VWC2L: variants seen among roughly 807,000 people sequenced by gnomAD.
VWC2L encodes von Willebrand factor C domain-containing protein 2-like.
A neutral mutation model predicts 21.6 loss-of-function variants in VWC2L; 10 were observed. That is an observed-to-expected ratio of 0.46 (90% CI 0.29 to 0.78). VWC2L has a LOEUF of 0.78. Among genes scored for constraint, VWC2L ranks in the 30% least tolerant of loss-of-function variants. The pLI is 0.10. For missense variants in VWC2L, 209 were observed against 277.1 expected, an observed-to-expected ratio of 0.75 and a Z score of 1.74; for synonymous variants, 96 against 94.3, an observed-to-expected ratio of 1.02 and a Z score of -0.10.
intron 3 of VWC2L, among the ~76,000 whole-genome samples, chr2:214,550,501 T>C (rs772377626): frequency 3.9e-5 from 6 of 152,200 alleles, no homozygotes; most frequent in Middle Eastern, 3.2e-3. Flanking sequence ...ACCTGCCACA[T>C]ATCATCTCTT....
Position 214,568,379 on chromosome 2 carries a change from T to C in VWC2L, c.521-7293T>C, listed in dbSNP as rs574771472. 3.3e-5 allele frequency among the ~76,000 whole-genome samples: 5 copies of C among 152,320 alleles called. No individual in the cohort carries two copies. The South Asian group carries it at 1.0e-3, about 32-fold the overall frequency. On this transcript the variant is annotated intron_variant, in intron 3 of 3. Coordinates refer to ENST00000312504, the MANE Select transcript of VWC2L (RefSeq NM_001080500.4). ...TTCATTGCCACATCACTACTGCTTC[T>C]AGAAGTCTTGTTTGGAATGAGTATT...
At chr2:214,538,617 A>G (rs1303930486) in intron 3 of VWC2L, among the ~76,000 whole-genome samples, 3 of 149,792 alleles carry the variant, frequency 2.0e-5, no homozygotes, top group Non-Finnish European at 3.0e-5. Flanking sequence ...ATTAGTATAC[A>G]TGTTTAGTAT....
intron 3 of VWC2L, among the ~76,000 whole-genome samples, chr2:214,472,906 C>T (rs1319521477): frequency 2.0e-5 from 3 of 152,202 alleles, no homozygotes; most frequent in Non-Finnish European, 4.4e-5. Context: ...TAGGCATCTA[C>T]TTGGGTTCTC....
chr2:214,441,671 G>A (rs1274631332), intron 3 of VWC2L, among the ~76,000 whole-genome samples: 1 of 151,918 alleles, frequency 6.6e-6, no homozygotes, highest in Admixed American at 6.6e-5. Context: ...TTTTGAGAGT[G>A]AAAAGTTGGG....
chr2:214,575,850 A>G lies in VWC2L; in HGVS notation c.*30A>G. On this transcript the variant is annotated 3_prime_UTR_variant, in exon 4 of 4. Coordinates refer to ENST00000312504, the MANE Select transcript of VWC2L (RefSeq NM_001080500.4). Reference sequence around the variant, plus strand: ...AACTTCCACCCAATGATGAGTTCTTAGGAAAGGATGCTATGGCTTCAACAC... The same window carrying G: ...AACTTCCACCCAATGATGAGTTCTTGGGAAAGGATGCTATGGCTTCAACAC... 2 of 1,598,486 alleles carry G rather than the reference A, an allele frequency of 1.3e-6. No homozygotes were observed. The highest frequency in any genetic ancestry group is 1.7e-6 in the Non-Finnish European group (2 of 1,168,420).
rs142284364 is a variant in VWC2L at position 214,440,284 on chromosome 2, T to G, written c.520+3526T>G. Among the ~76,000 whole-genome samples, 1,203 of 152,130 alleles carry G rather than the reference T, an allele frequency of 7.9e-3. 6 individuals carry two copies. The highest frequency in any genetic ancestry group is 0.013 in the South Asian group (64 of 4,830). On this transcript the variant is annotated intron_variant, in intron 3 of 3. Transcript: ENST00000312504. ...TTTATTTGGTGAGAATTGGGGGGATTGACATAGGAATTTATTGTTTCTAAA... is the reference window on the plus strand; with the variant it reads ...TTTATTTGGTGAGAATTGGGGGGATGGACATAGGAATTTATTGTTTCTAAA...
rs1703017344 is a variant in VWC2L, at chr2:214,454,082, A to G, written c.520+17324A>G. On this transcript the variant is annotated intron_variant, in intron 3 of 3. Coordinates refer to ENST00000312504, the MANE Select transcript of VWC2L (RefSeq NM_001080500.4). ...GATTTTCTGACTATTTGATACTAGTATATAGAAATAGAATTGATATTTATA... is the reference window on the plus strand; with the variant it reads ...GATTTTCTGACTATTTGATACTAGTGTATAGAAATAGAATTGATATTTATA... 3.3e-5 allele frequency among the ~76,000 whole-genome samples: 5 copies of G among 152,210 alleles called. No homozygotes were observed. The South Asian group carries it at 1.0e-3, about 32-fold the overall frequency.
intron 3 of VWC2L, among the ~76,000 whole-genome samples, chr2:214,475,414 C>G (rs1409291475): frequency 6.6e-6 from 1 of 151,882 alleles, no homozygotes; most frequent in Non-Finnish European, 1.5e-5. Flanking sequence ...GAAATGTGCT[C>G]TTGTCATTTA....
intron 3 of VWC2L, among the ~76,000 whole-genome samples, chr2:214,459,082 A>G (rs1305927630): frequency 6.6e-6 from 1 of 152,124 alleles, no homozygotes; most frequent in Non-Finnish European, 1.5e-5. Flanking sequence ...TACTTTATAT[A>G]TCTGGATACT....
At chr2:214,555,371 G>T (rs999939989) in intron 3 of VWC2L, among the ~76,000 whole-genome samples, 7 of 152,130 alleles carry the variant, frequency 4.6e-5, no homozygotes, top group African/African-American at 1.7e-4. Context: ...TTGAGACTGT[G>T]CCTTCGGCCT....
intron 3 of VWC2L, among the ~76,000 whole-genome samples, chr2:214,524,613 G>A (rs1689298349): frequency 6.6e-6 from 1 of 152,134 alleles, no homozygotes; most frequent in Non-Finnish European, 1.5e-5. Context: ...GCTGTTTTAG[G>A]TGCTGAGGAT....
intron 3 of VWC2L, among the ~76,000 whole-genome samples, chr2:214,467,140 T>C (rs13418577): frequency 0.16 from 24,179 of 152,224 alleles, 2,015 homozygotes; most frequent in East Asian, 0.26. Context: ...TTTCCCACTA[T>C]TGAGGCAAGA....
intron 2 of VWC2L, among the ~76,000 whole-genome samples, chr2:214,415,433 G>A (rs989202206): frequency 1.3e-5 from 2 of 152,034 alleles, no homozygotes; most frequent in African/African-American, 4.8e-5. Flanking sequence ...TCATACTGAT[G>A]GCTTTATATA....
intron 3 of VWC2L, among the ~76,000 whole-genome samples, chr2:214,472,565 A>G (rs1410540998): frequency 6.6e-6 from 1 of 152,226 alleles, no homozygotes; most frequent in Non-Finnish European, 1.5e-5. Context: ...CAACTCATAC[A>G]TGATAAGAAC....
At chr2:214,466,239 G>C (rs1703215676) in intron 3 of VWC2L, among the ~76,000 whole-genome samples, 1 of 152,092 alleles carries the variant, frequency 6.6e-6, no homozygotes, top group African/African-American at 2.4e-5. Flanking sequence ...AGTTTTGAAA[G>C]ATACTTTCAC....
chr2:214,461,791 G>C (rs1016174455), intron 3 of VWC2L, among the ~76,000 whole-genome samples: 1 of 152,116 alleles, frequency 6.6e-6, no homozygotes. Flanking sequence ...TGGCAGTGGC[G>C]GCAGTGGCAG....
At chr2:214,531,513 T>G (rs573423439) in intron 3 of VWC2L, among the ~76,000 whole-genome samples, 2 of 152,270 alleles carry the variant, frequency 1.3e-5, no homozygotes, top group African/African-American at 4.8e-5. Flanking sequence ...TTAGATCTAT[T>G]CTACAGGTAA....
intron 3 of VWC2L, among the ~76,000 whole-genome samples, chr2:214,450,308 T>A (rs1432202603): frequency 6.6e-6 from 1 of 152,128 alleles, no homozygotes; most frequent in Non-Finnish European, 1.5e-5. Context: ...AGTGAAGTAA[T>A]CAGCCCCCTA....
chr2:214,560,642 A>T lies in VWC2L; in HGVS notation c.521-15030A>T, dbSNP rs112919327. Reference sequence around the variant, plus strand: ...TGAAAGCTGGACAAAACTGAGTAACACTATTTTTTTAACCTGTTTCAATCC... The same window carrying T: ...TGAAAGCTGGACAAAACTGAGTAACTCTATTTTTTTAACCTGTTTCAATCC... On this transcript the variant is annotated intron_variant, in intron 3 of 3. Coordinates refer to ENST00000312504, the MANE Select transcript of VWC2L (RefSeq NM_001080500.4). Among the ~76,000 whole-genome samples the T allele has an allele frequency of 5.2e-3, 799 of 152,310 alleles. 7 individuals carry two copies. Among genetic ancestry groups the T allele is most frequent in the African/African-American group, 0.018 (762 of 41,560 alleles).
Sources: allele counts gnomAD v4.1 joint callset (sites outside exome capture counted in the v4.1 genomes callset), GRCh38; gene constraint gnomAD v4.1.1; transcripts MANE v1.5; gene names NCBI Gene and HGNC (gene_info 2026-07-23, HGNC 2026-07-21).